The following MACROD2 variants were observed in gnomAD, a reference collection of about 807,000 sequenced individuals.
The protein encoded by MACROD2 is mono-ADP ribosylhydrolase 2.
A neutral mutation model predicts 70.4 loss-of-function variants in MACROD2; 36 were observed. That is an observed-to-expected ratio of 0.51 (90% confidence interval 0.39 to 0.68). The LOEUF is 0.68. MACROD2 is among the 30% of genes least tolerant of loss of function. The pLI is 0.00. For missense variants in MACROD2, 496 were observed against 538.4 expected (o/e 0.92, Z 0.78); for synonymous variants, 172 against 178.8 (o/e 0.96, Z 0.30).
intron 4 of MACROD2, among the ~76,000 whole-genome samples, chr20:14,548,322 C>T (rs73901274): frequency 0.062 from 9,366 of 152,198 alleles, 981 homozygotes; most frequent in African/African-American, 0.21. Flanking sequence ...CAATTATAAA[C>T]TCAGATTTAC....
At chr20:14,902,597 A>G (rs1419477237) in intron 5 of MACROD2, among the ~76,000 whole-genome samples, 2 of 152,152 alleles carry the variant, frequency 1.3e-5, no homozygotes, top group Non-Finnish European at 2.9e-5. Context: ...GTGAGAGCCA[A>G]TTTGTGGTCA....
At chr20:14,473,482 CT>C (rs2084553561) in intron 3 of MACROD2, among the ~76,000 whole-genome samples, 1 of 152,118 alleles carries the variant, frequency 6.6e-6, no homozygotes, top group Non-Finnish European at 1.5e-5. Context: ...ACAGAACTGT[CT>C]TGTTTTTTAA....
intron 5 of MACROD2, among the ~76,000 whole-genome samples, chr20:15,153,703 A>G (rs2076287513): frequency 6.6e-6 from 1 of 152,182 alleles, no homozygotes; most frequent in African/African-American, 2.4e-5. Flanking sequence ...AAAACAAAGA[A>G]AAATAATCTA....
rs187780337 is a variant in MACROD2, at chr20:15,467,169, A to G, written c.572-32605A>G. 9.8e-5 allele frequency among the ~76,000 whole-genome samples: 15 copies of G among 152,334 alleles called. No individual in the cohort carries two copies. In the East Asian group the frequency reaches 2.9e-3, roughly 29 times the overall value. ...GAATGCCAAGGAATTGACATCCACTACATCCCAGCTGTCCTAGATCCACGA... is the reference window on the plus strand; with the variant it reads ...GAATGCCAAGGAATTGACATCCACTGCATCCCAGCTGTCCTAGATCCACGA... On this transcript the variant is annotated intron_variant, in intron 7 of 17. Coordinates refer to ENST00000684519, the MANE Select transcript of MACROD2 (RefSeq NM_001351661.2).
At chr20:14,291,797 G>A (rs1190420266) in intron 3 of MACROD2, among the ~76,000 whole-genome samples, 1 of 151,802 alleles carries the variant, frequency 6.6e-6, no homozygotes, top group Admixed American at 6.6e-5. Flanking sequence ...TCATATTTTA[G>A]GAATGTACTT....
At chr20:14,792,310 A>G (rs1317132009) in intron 5 of MACROD2, among the ~76,000 whole-genome samples, 1 of 152,092 alleles carries the variant, frequency 6.6e-6, no homozygotes, top group African/African-American at 2.4e-5. Context: ...ATATTTTAAT[A>G]CAGAACATAT....
chr20:15,854,476 G>A (rs774100582), intron 8 of MACROD2, among the ~76,000 whole-genome samples: 9 of 152,180 alleles, frequency 5.9e-5, no homozygotes, highest in South Asian at 2.1e-4. Context: ...CAAGCCTGAG[G>A]TGAGGACTCT....
intron 5 of MACROD2, among the ~76,000 whole-genome samples, chr20:15,176,093 A>G (rs775048575): frequency 3.3e-5 from 5 of 152,198 alleles, no homozygotes; most frequent in Non-Finnish European, 5.9e-5. Flanking sequence ...AGGTATGTGT[A>G]TTCTCAGAGG....
chr20:16,003,674 T>C (rs915273126), intron 15 of MACROD2, among the ~76,000 whole-genome samples: 24 of 152,036 alleles, frequency 1.6e-4, no homozygotes, highest in African/African-American at 5.6e-4. Flanking sequence ...AGTCAAAATG[T>C]TGCTTTTTCT....
intron 2 of MACROD2, among the ~76,000 whole-genome samples, chr20:14,011,819 G>A (rs1451586104): frequency 6.6e-6 from 1 of 152,096 alleles, no homozygotes; most frequent in African/African-American, 2.4e-5. Context: ...CTGAGCCACC[G>A]CGCCTGGCCT....
chr20:14,894,503 A>G (rs2122523415), intron 5 of MACROD2: 2 of 152,292 alleles, frequency 1.3e-5, no homozygotes, highest in South Asian at 2.1e-4. Flanking sequence ...GATTACAGGC[A>G]TGAGCCACTG....
intron 3 of MACROD2, among the ~76,000 whole-genome samples, chr20:14,472,847 T>TA (rs1316788250): frequency 6.6e-6 from 1 of 152,048 alleles, no homozygotes; most frequent in Non-Finnish European, 1.5e-5. Context: ...TGCGTGGCAT[T>TA]AAACTCAGGT....
intron 3 of MACROD2, among the ~76,000 whole-genome samples, chr20:14,256,194 C>T (rs1337970269): frequency 2.0e-5 from 3 of 152,024 alleles, no homozygotes; most frequent in Non-Finnish European, 4.4e-5. Flanking sequence ...AGCTGCTTAT[C>T]CCGTACTTGG....
chr20:14,834,862 T>TTATATGTGTGTATATATG (rs1359232072), intron 5 of MACROD2, among the ~76,000 whole-genome samples: 3 of 152,104 alleles, frequency 2.0e-5, no homozygotes, highest in East Asian at 3.9e-4. Context: ...GTATATATAT[T>TTATATGTGTGTATATATG]TATATGTGTG....
intron 5 of MACROD2, among the ~76,000 whole-genome samples, chr20:14,810,719 T>C (rs1325738472): frequency 6.6e-6 from 1 of 152,070 alleles, no homozygotes; most frequent in African/African-American, 2.4e-5. Context: ...CTCCTTAAGC[T>C]GATAAGGAAC....
intron 8 of MACROD2, among the ~76,000 whole-genome samples, chr20:15,540,464 A>G (rs2047940596): frequency 1.3e-5 from 2 of 152,190 alleles, no homozygotes; most frequent in South Asian, 4.1e-4. Flanking sequence ...AGCAATTCAA[A>G]TGAGAATACT....
chr20:14,166,329 A>ATG (rs146972968), intron 3 of MACROD2, among the ~76,000 whole-genome samples: 13 of 150,456 alleles, frequency 8.6e-5, no homozygotes, highest in East Asian at 2.0e-4. Context: ...CCGTGTGTGT[A>ATG]TGTGTGTGTG....
At position 15,802,419 on chromosome 20, in the gene MACROD2, G is replaced by T. The variant is rs546478059; in HGVS notation, c.646-60326G>T. ...TAATGAAGGGATGTTGGATTTTATT[G>T]AATGCTTTTTCTGCATCTATTGAGA... On this transcript the variant is annotated intron_variant, in intron 8 of 17. Transcript: ENST00000684519. 1.6e-3 allele frequency among the ~76,000 whole-genome samples: 240 copies of T among 152,124 alleles called. 2 individuals are homozygous for T. The highest frequency in any genetic ancestry group is 5.4e-3 in the African/African-American group (224 of 41,478).
In MACROD2 at chr20:15,731,778, G is replaced by A. The variant is rs1183654432; in HGVS notation, c.646-130967G>A. The stretch of plus-strand genomic sequence containing the variant: ...CTTTTTATTTTTTTTTTTTTGAGAC[G>A]GAGTTTCACTCTTGTTGCCCAGGCT... On this transcript the variant is annotated intron_variant, in intron 8 of 17. Transcript: ENST00000684519. Among the ~76,000 whole-genome samples, 4 of 50,558 alleles carry A rather than the reference G, an allele frequency of 7.9e-5. 2 individuals carry two copies. In the East Asian group the frequency reaches 1.2e-3, roughly 15 times the overall value. The allele number at this position is 50,558 out of a possible 152,430, so 33.2% of individuals were successfully genotyped here. A position where few individuals can be genotyped will look rare whatever the true frequency, so the allele number is the denominator to read the frequency against.
Sources: gnomAD v4.1 joint callset for allele counts (sites outside exome capture counted in the v4.1 genomes callset) on GRCh38, gnomAD v4.1.1 for gene constraint, MANE v1.5 for transcripts, NCBI Gene and HGNC (gene_info 2026-07-23, HGNC 2026-07-21) for gene names.